Variants in ARFGEF3 observed in about 807,000 individuals in gnomAD.
ARFGEF3 encodes brefeldin A-inhibited guanine nucleotide-exchange protein 3.
ARFGEF3 carries 96 observed loss-of-function variants against 221.7 expected under a neutral mutation model. The ratio of observed to expected loss-of-function variants is 0.43; its 90% CI spans 0.37 to 0.51. The LOEUF (loss-of-function observed/expected upper bound fraction) is 0.51, where lower values mean the gene tolerates loss of function less well. Among genes scored for constraint, ARFGEF3 ranks in the 20% least tolerant of loss-of-function variants. The probability of loss-of-function intolerance (pLI) is 0.00; values close to 1 mark genes in which losing one functional copy is unlikely to be tolerated. For synonymous variants in ARFGEF3, 1,145 were observed against 1,126.8 expected, an observed-to-expected ratio of 1.02 and a Z score of -0.32; for missense variants, 2,410 against 2,789.9, an observed-to-expected ratio of 0.86 and a Z score of 3.07.
intron 20 of ARFGEF3, among the ~76,000 whole-genome samples, chr6:138,295,525 G>A (rs1779493587): frequency 6.6e-6 from 1 of 151,536 alleles, no homozygotes; most frequent in Admixed American, 6.6e-5. Flanking sequence ...AGCTACTCGG[G>A]AGGCTGAGAC....
In ARFGEF3 at chr6:138,336,288, C is replaced by T; in HGVS notation, c.6343-7C>T. ...AGCCACTGATTTTCTTAAATCTTTTCTCTTAGGCATGGACCAACATGGTGC... is the reference window on the plus strand; with the variant it reads ...AGCCACTGATTTTCTTAAATCTTTTTTCTTAGGCATGGACCAACATGGTGC... On this transcript the variant is annotated splice_region_variant and splice_polypyrimidine_tract_variant and intron_variant, in intron 33 of 33. Transcript: ENST00000251691. 1 of 1,506,484 alleles carries T rather than the reference C, an allele frequency of 6.6e-7. No individual in the cohort carries two copies. Among genetic ancestry groups the T allele is most frequent in the East Asian group, 2.5e-5 (1 of 39,262 alleles). The allele number at this position is 1,506,484 out of a possible 1,614,324, so 93.3% of individuals were successfully genotyped here.
chr6:138,174,946 T>G (rs1776910014), intron 2 of ARFGEF3, among the ~76,000 whole-genome samples: 1 of 152,216 alleles, frequency 6.6e-6, no homozygotes. Context: ...TATGTTGTAT[T>G]ATTTTTCCTT....
rs574691672 is a variant in ARFGEF3 at position 138,278,423 on chromosome 6, C to G, written c.2129-28C>G. 1.9e-5 allele frequency: 31 copies of G among 1,609,776 alleles called. No individual in the cohort carries two copies. The East Asian group carries it at 6.2e-4, about 32-fold the overall frequency. On this transcript the variant is annotated intron_variant, in intron 12 of 33. Coordinates refer to ENST00000251691, the MANE Select transcript of ARFGEF3 (RefSeq NM_020340.5). ...CTTGCCAAGCACACTGTTCACACCC[C>G]CAAAAGTCCCTTCATTGTCTCCCTT...
Position 138,286,064 on chromosome 6 carries a change from G to A in ARFGEF3, c.2569+11G>A. 2.0e-6 allele frequency: 3 copies of A among 1,506,832 alleles called. No homozygotes were observed. The highest frequency in any genetic ancestry group is 1.1e-5 in the South Asian group (1 of 89,016). 93.3% of individuals were successfully genotyped at this position (1,506,832 alleles called of 1,614,324 possible). ...ACTCCACAGTGGCAGGTAATGACTT[G>A]GGTCTTGAGTTTATGAACATCCATA... On this transcript the variant is annotated intron_variant, in intron 15 of 33. Transcript: ENST00000251691.
At chr6:138,306,953 T>TAAAAAAAAAA (rs71773390) in intron 22 of ARFGEF3, among the ~76,000 whole-genome samples, 3 of 113,720 alleles carry the variant, frequency 2.6e-5, no homozygotes, top group Admixed American at 9.2e-5. Context: ...TAAGGAACTC[T>TAAAAAAAAAA]AAAAAAAAAA....
In ARFGEF3 at chr6:138,311,414, G is replaced by A; in HGVS notation, c.4104G>A (p.Val1368=). 6.2e-7 allele frequency: 1 copy of A among 1,604,494 alleles called. No homozygotes were observed. The highest frequency in any genetic ancestry group is 2.2e-5 in the East Asian group (1 of 44,526). Residue 1368 remains valine (V), a synonymous_variant, in exon 25 of 34, where the codon GTG becomes GTA. Coordinates refer to ENST00000251691, the MANE Select transcript of ARFGEF3 (RefSeq NM_020340.5). ...LMKFVKGLGE[V]DCKEIGDCAP... is the part of the protein sequence containing the mutation. ...CTCCCGTGCCGCCCCTAGGGGAGGT[G>A]GACTGTAAAGAGATTGGAGACTGTG...
chr6:138,186,107 C>T (rs1400086338), intron 2 of ARFGEF3, among the ~76,000 whole-genome samples: 3 of 152,136 alleles, frequency 2.0e-5, no homozygotes, highest in African/African-American at 4.8e-5. Context: ...GAATATCTGT[C>T]GTTTAGATGT....
chr6:138,294,434 CT>C (rs1779470441), intron 20 of ARFGEF3, among the ~76,000 whole-genome samples: 2 of 152,242 alleles, frequency 1.3e-5, no homozygotes, highest in African/African-American at 4.8e-5. Flanking sequence ...GTGCAGATAG[CT>C]TCCTTCACAT....
intron 32 of ARFGEF3, among the ~76,000 whole-genome samples, chr6:138,333,468 G>T (rs776169760): frequency 2.0e-5 from 3 of 152,088 alleles, no homozygotes; most frequent in Non-Finnish European, 2.9e-5. Flanking sequence ...TTGAGACAGA[G>T]TCTTGCTCTG....
chr6:138,252,767 C>T, intron 8 of ARFGEF3, among the ~76,000 whole-genome samples: 1 of 152,330 alleles, frequency 6.6e-6, no homozygotes, highest in South Asian at 2.1e-4. Context: ...TCCCATCCCA[C>T]ATTACTGAGT....
In ARFGEF3 at chr6:138,278,522, C is replaced by A. The variant is rs1779139075; in HGVS notation, c.2200C>A (p.Leu734Ile). 6.2e-7 allele frequency: 1 copy of A among 1,613,940 alleles called. No individual in the cohort carries two copies. Among genetic ancestry groups the A allele is most frequent in the Non-Finnish European group, 8.5e-7 (1 of 1,179,862 alleles). The change falls in exon 13 of 34, where the codon CTC becomes ATC. Residue 734 changes from leucine to isoleucine, a missense_variant. Leu to Ile is a conservative substitution (Grantham distance 5). Around this residue, in one of 5 missense-constraint regions of ARFGEF3, gnomAD observed 594 missense variants for 734.3 expected, o/e 0.81. Coordinates refer to ENST00000251691, the MANE Select transcript of ARFGEF3 (RefSeq NM_020340.5). ...CCAGATGCTGATGAACGCAGACAGC[C>A]TCTACACAGCTGCACACTGCGCCCT... The part of the protein sequence containing the change: ...SFQMLMNADS[L>I]YTAAHCALLL...
chr6:138,334,079 G>C lies in ARFGEF3; in HGVS notation c.5233G>C (p.Glu1745Gln). 6.2e-7 allele frequency: 1 copy of C among 1,613,958 alleles called. No homozygotes were observed. The highest frequency in any genetic ancestry group is 8.5e-7 in the Non-Finnish European group (1 of 1,179,904). The change falls in exon 33 of 34, where the codon GAA becomes CAA. Residue 1745 changes from glutamate to glutamine, a missense_variant. Glu to Gln is a conservative substitution (Grantham distance 29). Transcript: ENST00000251691. The surrounding 1 kb of genome is among the most constrained non-coding windows in gnomAD (Gnocchi z 5.1). ...TGTCAAAGGCCCCTCTCCTGGAGAG[G>C]AAAAGACGATACAAGTGCCAGAAGC... is the stretch of plus-strand genomic sequence containing the variant. ...EFVKGPSPGE[E>Q]KTIQVPEAKL... is the part of the protein sequence containing the mutation.
At chr6:138,299,893 ATGTGATCTG>A (rs988233827) in intron 22 of ARFGEF3, among the ~76,000 whole-genome samples, 1 of 152,216 alleles carries the variant, frequency 6.6e-6, no homozygotes, top group Non-Finnish European at 1.5e-5. Flanking sequence ...TAGCCCTTTT[ATGTGATCTG>A]TATATGAAAT....
At chr6:138,238,701 C>A in intron 6 of ARFGEF3, 70 bp downstream of exon 6, 1 of 1,525,492 alleles carries the variant, frequency 6.6e-7, no homozygotes, top group East Asian at 2.3e-5. Flanking sequence ...CCCGGGGCCC[C>A]CACTGCCAGG....
intron 2 of ARFGEF3, among the ~76,000 whole-genome samples, chr6:138,184,305 TACTGGGTTCTTATGAAGATTACATAAG>T (rs1777139189): frequency 6.6e-6 from 1 of 152,222 alleles, no homozygotes; most frequent in Non-Finnish European, 1.5e-5. Flanking sequence ...ATGTAGTCCT[TACTGGGTTCTTATGAAGATTACATAAG>T]ATGTAATCTT....
At chr6:138,304,746 G>A (rs1478844121) in intron 22 of ARFGEF3, among the ~76,000 whole-genome samples, 1 of 152,130 alleles carries the variant, frequency 6.6e-6, no homozygotes, top group African/African-American at 2.4e-5. Flanking sequence ...TACACCTTTG[G>A]TTTGATCACC....
intron 24 of ARFGEF3, among the ~76,000 whole-genome samples, chr6:138,309,199 T>C (rs886399129): frequency 5.9e-5 from 9 of 152,224 alleles, no homozygotes; most frequent in Non-Finnish European, 8.8e-5. Flanking sequence ...AATCACACTC[T>C]ATGGAAACTC....
At chr6:138,192,623 T>C (rs1318680629) in intron 2 of ARFGEF3, among the ~76,000 whole-genome samples, 4 of 152,184 alleles carry the variant, frequency 2.6e-5, no homozygotes, top group Non-Finnish European at 4.4e-5. Flanking sequence ...GCAGTGATTG[T>C]GGGTTGGGAT....
At chr6:138,262,586 C>A in intron 11 of ARFGEF3, 115 bp from the exon 12 acceptor site, 1 of 1,058,290 alleles carries the variant, frequency 9.4e-7, no homozygotes, top group Non-Finnish European at 1.4e-6. Context: ...TTATTCAAAT[C>A]AGACTATCTG....
Sources: gnomAD v4.1 joint callset for allele counts (sites outside exome capture counted in the v4.1 genomes callset) on GRCh38, gnomAD v4.1.1 for gene constraint, gnomAD v4.1.1 regional missense constraint, Gnocchi (gnomAD v3.1) non-coding constraint, MANE v1.5 for transcripts, NCBI Gene and HGNC (gene_info 2026-07-23, HGNC 2026-07-21) for gene names.